Variants in TAFA4 observed in about 807,000 individuals in gnomAD.
The protein encoded by TAFA4 is TAFA chemokine like family member 4, also known as chemokine-like protein TAFA-4.
TAFA4 carries 20 observed loss-of-function variants against 21.1 expected under a neutral mutation model. The observed-to-expected ratio is 0.95, with a 90% CI of 0.67 to 1.38. The LOEUF (loss-of-function observed/expected upper bound fraction) is 1.38, where lower values mean the gene tolerates loss of function less well. Ranked by LOEUF, TAFA4 falls within the 40% of genes most tolerant of loss-of-function variation. TAFA4 has a pLI of 0.00. For synonymous variants in TAFA4, 71 were observed against 67.4 expected (o/e 1.05, Z -0.26); for missense variants, 211 against 180.9 (o/e 1.17, Z -0.95).
intron 3 of TAFA4, among the ~76,000 whole-genome samples, chr3:68,826,668 G>A (rs1280956870): frequency 2.0e-5 from 3 of 152,026 alleles, no homozygotes; most frequent in African/African-American, 7.3e-5. Context: ...CTGAATTTGA[G>A]GGTAGAATAG....
chr3:68,838,011 G>A (rs981395410), intron 3 of TAFA4, among the ~76,000 whole-genome samples: 3 of 151,906 alleles, frequency 2.0e-5, no homozygotes. Flanking sequence ...TTATCATTTT[G>A]TGATGAGAAC....
At chr3:68,801,726 T>C (rs1703582658) in intron 3 of TAFA4, among the ~76,000 whole-genome samples, 1 of 152,192 alleles carries the variant, frequency 6.6e-6, no homozygotes, top group African/African-American at 2.4e-5. Context: ...GCTGTTATAT[T>C]GGTACAATCA....
chr3:68,734,446 T>C (rs187198767), intron 5 of TAFA4, among the ~76,000 whole-genome samples: 2 of 152,196 alleles, frequency 1.3e-5, no homozygotes, highest in Non-Finnish European at 1.5e-5. Flanking sequence ...CGCTCTTCTA[T>C]ACAGGATGTC....
intron 1 of TAFA4, among the ~76,000 whole-genome samples, chr3:68,908,216 T>C (rs1165798097): frequency 1.3e-5 from 2 of 152,204 alleles, no homozygotes; most frequent in Non-Finnish European, 2.9e-5. Context: ...AATGTCCCTC[T>C]TAGAGACTCC....
At chr3:68,827,758 G>C (rs564220971) in intron 3 of TAFA4, among the ~76,000 whole-genome samples, 1 of 152,214 alleles carries the variant, frequency 6.6e-6, no homozygotes, top group South Asian at 2.1e-4. Flanking sequence ...ATTTGTTTAA[G>C]TTCTTTGTAG....
At position 68,826,176 on chromosome 3, in the gene TAFA4, C is replaced by T. The variant is rs184969584; in HGVS notation, c.130+54554G>A. On this transcript the variant is annotated intron_variant, in intron 3 of 5. Coordinates refer to ENST00000295569, the MANE Select transcript of TAFA4 (RefSeq NM_182522.5). ...AGATGCCCTAAGAACACTGGACCTGCAGTCGGAAGGCCCAGATTTGAGAAG... is the reference window on the plus strand; with the variant it reads ...AGATGCCCTAAGAACACTGGACCTGTAGTCGGAAGGCCCAGATTTGAGAAG... Among the ~76,000 whole-genome samples, 803 of 152,296 alleles carry T rather than the reference C, an allele frequency of 5.3e-3. 4 individuals are homozygous for T. Among genetic ancestry groups the T allele is most frequent in the Non-Finnish European group, 7.9e-3 (540 of 68,012 alleles).
At chr3:68,906,597 C>T (rs925774462) in intron 1 of TAFA4, among the ~76,000 whole-genome samples, 3 of 152,120 alleles carry the variant, frequency 2.0e-5, no homozygotes, top group African/African-American at 7.2e-5. Context: ...CTCCAGAGTC[C>T]TTCTCTTATC....
At chr3:68,778,952 A>G (rs1479048711) in intron 3 of TAFA4, among the ~76,000 whole-genome samples, 2 of 152,236 alleles carry the variant, frequency 1.3e-5, no homozygotes, top group Non-Finnish European at 2.9e-5. Context: ...AAAATGTGGG[A>G]AAGTTTGGAA....
chr3:68,845,368 A>T (rs1198041714), intron 3 of TAFA4, among the ~76,000 whole-genome samples: 1 of 151,904 alleles, frequency 6.6e-6, no homozygotes. Context: ...CTTGGTAAGT[A>T]TTCTTCCATT....
At chr3:68,817,632 C>G (rs917555778) in intron 3 of TAFA4, among the ~76,000 whole-genome samples, 9 of 152,110 alleles carry the variant, frequency 5.9e-5, no homozygotes, top group African/African-American at 2.2e-4. Flanking sequence ...ATTCCTTGGT[C>G]CATGGACTGC....
At chr3:68,873,479 C>T (rs1470387734) in intron 3 of TAFA4, among the ~76,000 whole-genome samples, 1 of 151,944 alleles carries the variant, frequency 6.6e-6, no homozygotes, top group East Asian at 1.9e-4. Flanking sequence ...ATATTAATAG[C>T]TGCTCTCTCC....
intron 4 of TAFA4, among the ~76,000 whole-genome samples, chr3:68,743,939 C>T (rs543141185): frequency 3.9e-5 from 6 of 152,274 alleles, no homozygotes; most frequent in South Asian, 4.1e-4. Context: ...TGTCTGAATA[C>T]CACAGATTGG....
intron 3 of TAFA4, among the ~76,000 whole-genome samples, chr3:68,852,257 G>A (rs2106910896): frequency 6.6e-6 from 1 of 152,260 alleles, no homozygotes; most frequent in East Asian, 1.9e-4. Context: ...TGCATCTAAA[G>A]GAGGAGTGGC....
rs1702897913 is a variant in TAFA4, at chr3:68,768,535, G to C, written c.131-15517C>G. The stretch of plus-strand genomic sequence containing the variant: ...GTACAGCCATTATGGAAACCAGTAT[G>C]GAGGTTCCTCAAAAAATTAAAAATA... On this transcript the variant is annotated intron_variant, in intron 3 of 5. Transcript: ENST00000295569. Among the ~76,000 whole-genome samples the C allele has an allele frequency of 2.0e-5, 3 of 152,270 alleles. No individual in the cohort carries two copies. The Middle Eastern group carries it at 0.01, about 518-fold the overall frequency.
intron 4 of TAFA4, among the ~76,000 whole-genome samples, chr3:68,744,614 G>C (rs1702419958): frequency 6.6e-6 from 1 of 152,094 alleles, no homozygotes; most frequent in Non-Finnish European, 1.5e-5. Context: ...AACCCATGGG[G>C]ACACAAGGTA....
At chr3:68,804,573 C>G (rs1314719543) in intron 3 of TAFA4, among the ~76,000 whole-genome samples, 1 of 152,156 alleles carries the variant, frequency 6.6e-6, no homozygotes, top group Admixed American at 6.5e-5. Context: ...CTATAGTAAC[C>G]AAAACAGCAT....
intron 1 of TAFA4, among the ~76,000 whole-genome samples, chr3:68,904,121 C>G (rs112781577): frequency 0.03 from 4,492 of 152,004 alleles, 186 homozygotes; most frequent in South Asian, 0.033. Flanking sequence ...TTTCAAGTGC[C>G]TCTTGCAACC....
At chr3:68,841,888 A>T (rs1219161498) in intron 3 of TAFA4, among the ~76,000 whole-genome samples, 2 of 152,128 alleles carry the variant, frequency 1.3e-5, no homozygotes, top group East Asian at 3.8e-4. Flanking sequence ...ATCCATTTTT[A>T]TGGCTGCATA....
chr3:68,859,983 T>C (rs148026720), intron 3 of TAFA4, among the ~76,000 whole-genome samples: 18 of 152,296 alleles, frequency 1.2e-4, no homozygotes, highest in African/African-American at 4.3e-4. Context: ...TTTTAGGAAG[T>C]GGGACCTTTC....
Sources: gnomAD v4.1 joint callset for allele counts (sites outside exome capture counted in the v4.1 genomes callset) on GRCh38, gnomAD v4.1.1 for gene constraint, MANE v1.5 for transcripts, NCBI Gene and HGNC (gene_info 2026-07-23, HGNC 2026-07-21) for gene names.